Variants in KSR2 observed in about 807,000 individuals in gnomAD.
The protein encoded by KSR2 is kinase suppressor of ras 2.
Under a neutral mutation model 107.8 loss-of-function variants are expected in KSR2, and 25 were observed. That is an observed-to-expected ratio of 0.23 (90% CI 0.17 to 0.32). The LOEUF is 0.32. KSR2 is among the 10% of genes least tolerant of loss of function. KSR2 has a pLI of 1.00. For synonymous variants in KSR2, 480 were observed against 507.0 expected (o/e 0.95, Z 0.71); for missense variants, 887 against 1,268.9 (o/e 0.70, Z 4.57).
intron 4 of KSR2, among the ~76,000 whole-genome samples, chr12:117,710,095 T>A (rs1224413094): frequency 6.6e-6 from 1 of 152,152 alleles, no homozygotes; most frequent in East Asian, 1.9e-4. Context: ...TGCAAGAATG[T>A]TGGAATATTG....
chr12:117,951,053 G>A (rs570518284), intron 1 of KSR2, among the ~76,000 whole-genome samples: 4 of 151,848 alleles, frequency 2.6e-5, no homozygotes, highest in Admixed American at 2.6e-4. Flanking sequence ...GACTACAGGC[G>A]CCCGCCACCA....
At chr12:117,587,417 G>A (rs866758153) in intron 5 of KSR2, among the ~76,000 whole-genome samples, 1 of 151,998 alleles carries the variant, frequency 6.6e-6, no homozygotes, top group South Asian at 2.1e-4. Context: ...GAGGAGGGGG[G>A]ACAGCAGCCA....
intron 5 of KSR2, among the ~76,000 whole-genome samples, chr12:117,640,582 T>A (rs887092260): frequency 3.3e-5 from 5 of 152,082 alleles, no homozygotes; most frequent in Non-Finnish European, 5.9e-5. Context: ...GGGAAAATAG[T>A]TTCATCCAAA....
intron 3 of KSR2, among the ~76,000 whole-genome samples, chr12:117,850,873 A>C (rs1892895704): frequency 1.3e-5 from 2 of 152,090 alleles, no homozygotes. Flanking sequence ...CTTCCTGGGA[A>C]TTGAATAGTG....
chr12:117,653,556 C>T (rs567074183), intron 5 of KSR2, among the ~76,000 whole-genome samples: 11 of 152,304 alleles, frequency 7.2e-5, no homozygotes, highest in African/African-American at 2.4e-4. Context: ...AGCAAACACA[C>T]GGGACTTATT....
intron 5 of KSR2, among the ~76,000 whole-genome samples, chr12:117,653,741 G>A (rs374313155): frequency 4.6e-5 from 7 of 152,338 alleles, no homozygotes; most frequent in Non-Finnish European, 7.4e-5. Context: ...GAGGCACAAC[G>A]CCTAGCGGGC....
chr12:117,950,748 A>AAT lies in KSR2; in HGVS notation c.180+17327_180+17328insAT, dbSNP rs1555260901. On this transcript the variant is annotated intron_variant, in intron 1 of 19. Transcript: ENST00000339824. Reference sequence around the variant, plus strand: ...AGAGCAAGACTCTGTAAAAAAAAAAAAAATAATAATAATAATAATAATGAT... The same window carrying AAT: ...AGAGCAAGACTCTGTAAAAAAAAAAAATAAATAATAATAATAATAATAATGAT... Among the ~76,000 whole-genome samples, 230 of 131,792 alleles carry AAT rather than the reference A, an allele frequency of 1.7e-3. 1 individual carries two copies. Among genetic ancestry groups the AAT allele is most frequent in the African/African-American group, 6.7e-3 (219 of 32,788 alleles). The allele number at this position is 131,792 out of a possible 152,430, so 86.5% of individuals were successfully genotyped here.
rs760871264 is a variant in KSR2 at position 117,467,218 on chromosome 12, G to A, written c.2847-13C>T. On this transcript the variant is annotated splice_polypyrimidine_tract_variant and intron_variant, in intron 19 of 19. Coordinates refer to ENST00000339824, the MANE Select transcript of KSR2 (RefSeq NM_173598.6). ...CAAAGGTCACAGCCTGGAGTGGGGA[G>A]AGAAGGGAGAGAGTGGTGAGAGGTC... The A allele has an allele frequency of 4.1e-6, 3 of 733,540 alleles. No homozygotes were observed. Among genetic ancestry groups the A allele is most frequent in the Non-Finnish European group, 7.5e-6 (3 of 398,172 alleles). 45.4% of individuals were successfully genotyped at this position (733,540 alleles called of 1,614,324 possible). A position where few individuals can be genotyped will look rare whatever the true frequency, so the allele number is the denominator to read the frequency against.
intron 5 of KSR2, among the ~76,000 whole-genome samples, chr12:117,642,074 G>A (rs759903046): frequency 3.3e-5 from 5 of 152,110 alleles, no homozygotes; most frequent in South Asian, 2.1e-4. Context: ...GCAGTTTAAC[G>A]ACACTCACTC....
chr12:117,691,824 C>T (rs142038215), intron 4 of KSR2, among the ~76,000 whole-genome samples: 1 of 152,302 alleles, frequency 6.6e-6, no homozygotes, highest in African/African-American at 2.4e-5. Flanking sequence ...CTCCTGAGGG[C>T]CCTCCCCACA....
At chr12:117,812,435 T>A (rs758979870) in intron 3 of KSR2, among the ~76,000 whole-genome samples, 5 of 152,236 alleles carry the variant, frequency 3.3e-5, no homozygotes, top group Non-Finnish European at 7.3e-5. Context: ...GCTTGCTTTA[T>A]ATTTCTATTA....
chr12:117,777,107 T>TATATATATATATATATATATATATAC (rs58787858), intron 3 of KSR2, among the ~76,000 whole-genome samples: 15 of 66,138 alleles, frequency 2.3e-4, no homozygotes, highest in African/African-American at 9.0e-4. Flanking sequence ...TATATATATA[T>TATATATATATATATATATATATATAC]ACACACACAC....
chr12:117,891,587 A>T (rs771709138), intron 1 of KSR2, among the ~76,000 whole-genome samples: 4 of 152,288 alleles, frequency 2.6e-5, no homozygotes, highest in Middle Eastern at 3.4e-3. Flanking sequence ...TAAATATTAA[A>T]TTTTTTAAAA....
At chr12:117,793,201 CCAA>C (rs1192978981) in intron 3 of KSR2, among the ~76,000 whole-genome samples, 1 of 141,836 alleles carries the variant, frequency 7.1e-6, no homozygotes, top group South Asian at 2.4e-4. Context: ...CACATACACA[CCAA>C]CATGCACACA....
At chr12:117,573,518 T>C (rs1411428316) in intron 7 of KSR2, among the ~76,000 whole-genome samples, 3 of 142,998 alleles carry the variant, frequency 2.1e-5, no homozygotes, top group Middle Eastern at 3.3e-3. Context: ...TCCTATCACA[T>C]GTTATCTTTT....
chr12:117,750,297 T>C (rs1332637830), intron 4 of KSR2, among the ~76,000 whole-genome samples: 1 of 147,754 alleles, frequency 6.8e-6, no homozygotes, highest in Admixed American at 6.7e-5. Flanking sequence ...AGAGTAATAA[T>C]AATACTTAAT....
chr12:117,845,682 C>CT (rs549567500), intron 3 of KSR2, among the ~76,000 whole-genome samples: 298 of 143,588 alleles, frequency 2.1e-3, no homozygotes, highest in Admixed American at 3.3e-3. Context: ...CTTTTTCTTT[C>CT]TTTTTTTTTT....
intron 14 of KSR2, among the ~76,000 whole-genome samples, chr12:117,488,970 G>A (rs1872611246): frequency 6.6e-6 from 1 of 152,168 alleles, no homozygotes. Context: ...AACAAAATAT[G>A]TTCATGCTGT....
chr12:117,911,222 C>T (rs765737890), intron 1 of KSR2, among the ~76,000 whole-genome samples: 5 of 151,694 alleles, frequency 3.3e-5, no homozygotes, highest in Non-Finnish European at 7.4e-5. Context: ...AATAATCCTG[C>T]CTACTCTACG....
Sources: gnomAD v4.1 joint callset for allele counts (sites outside exome capture counted in the v4.1 genomes callset) on GRCh38, gnomAD v4.1.1 for gene constraint, MANE v1.5 for transcripts, NCBI Gene and HGNC (gene_info 2026-07-23, HGNC 2026-07-21) for gene names.